MST1R: variants seen among roughly 807,000 people sequenced by gnomAD.
MST1R encodes the protein macrophage-stimulating protein receptor.
MST1R carries 99 observed loss-of-function variants against 117.8 expected under a neutral mutation model. The observed-to-expected ratio is 0.84, with a 90% confidence interval of 0.71 to 0.99. The LOEUF is 0.99. Ranked by LOEUF, MST1R falls within the 50% of genes least tolerant of loss-of-function variation. The probability of loss-of-function intolerance (pLI) is 0.00; values close to 1 mark genes in which losing one functional copy is unlikely to be tolerated. For missense variants in MST1R, 1,683 were observed against 1,840.2 expected (o/e 0.91, Z 1.56); for synonymous variants, 734 against 765.3 (o/e 0.96, Z 0.68).
rs1472088592 is a variant in MST1R at position 49,887,418 on chromosome 3, G to A, written c.4092C>T (p.Gly1364=). The change falls in exon 20 of 20, where the codon GGC becomes GGT. Residue 1364 remains glycine, a synonymous_variant. Coordinates refer to ENST00000296474, the MANE Select transcript of MST1R (RefSeq NM_002447.4). ...VQLPATYMNL[G]PSTSHEMNVR... is the part of the protein sequence containing the mutation. ...CATTCATCTCATGCGAGGTGCTGGG[G>A]CCCAAGTTCATGTAGGTTGCTGGCA... 2 of 1,614,214 alleles carry A rather than the reference G, an allele frequency of 1.2e-6. No individual in the cohort carries two copies. Among genetic ancestry groups the A allele is most frequent in the South Asian group, 1.1e-5 (1 of 91,088 alleles).
In MST1R at chr3:49,903,498, G is replaced by T. The variant is rs1452306995; in HGVS notation, c.112C>A (p.Arg38Ser). Residue 38 changes from arginine to serine, a missense_variant, in exon 1 of 20, where the codon CGC becomes AGC. Coordinates refer to ENST00000296474, the MANE Select transcript of MST1R (RefSeq NM_002447.4). Reference sequence around the variant, plus strand: ...ACCACGTACTTCACGTCAAAGTCGCGAGAGGCCGCGTAGGGGGTGCGCGGG... The same window carrying T: ...ACCACGTACTTCACGTCAAAGTCGCTAGAGGCCGCGTAGGGGGTGCGCGGG... ...QCPRTPYAAS[R>S]DFDVKYVVPS... 3 of 1,611,052 alleles carry T rather than the reference G, an allele frequency of 1.9e-6. No individual in the cohort carries two copies. Among genetic ancestry groups the T allele is most frequent in the Non-Finnish European group, 2.5e-6 (3 of 1,179,964 alleles).
At chr3:49,891,088 A>G (rs1346087345) in intron 17 of MST1R, 109 bp downstream of exon 17, 1 of 983,380 alleles carries the variant, frequency 1.0e-6, no homozygotes, top group Non-Finnish European at 1.6e-6. Context: ...AGTAAGGTGC[A>G]GAGAGGGGAG....
chr3:49,889,106 A>C (rs1317022970), intron 19 of MST1R, among the ~76,000 whole-genome samples: 1 of 152,198 alleles, frequency 6.6e-6, no homozygotes, highest in Non-Finnish European at 1.5e-5. Context: ...GGGTCATCCC[A>C]GTTCAAGCAG....
chr3:49,895,182 G>C lies in MST1R; in HGVS notation c.3256C>G (p.Arg1086Gly), dbSNP rs761194490. ...PHERVVTHSD[R>G]VIGKGHFGVV... ...GCCCCCACACCTTTGCCAATGACTCGGTCACTGTGGGTGACCACCCGCTCA... is the reference window on the plus strand; with the variant it reads ...GCCCCCACACCTTTGCCAATGACTCCGTCACTGTGGGTGACCACCCGCTCA... Residue 1086 changes from arginine to glycine, a missense_variant, in exon 14 of 20, where the codon CGA becomes GGA. By Grantham distance (125) the Arg-to-Gly change is moderately radical (BLOSUM62 -2). Transcript: ENST00000296474. 9.3e-6 allele frequency: 15 copies of C among 1,613,836 alleles called. No homozygotes were observed. The highest frequency in any genetic ancestry group is 1.3e-5 in the Non-Finnish European group (15 of 1,180,026).
intron 1 of MST1R, among the ~76,000 whole-genome samples, chr3:49,901,128 C>T (rs2082661903): frequency 6.6e-6 from 1 of 152,182 alleles, no homozygotes; most frequent in African/African-American, 2.4e-5. Flanking sequence ...GGAGAAGGGG[C>T]CAGGCAGGCC....
intron 1 of MST1R, among the ~76,000 whole-genome samples, chr3:49,901,590 G>A (rs892432451): frequency 1.3e-5 from 2 of 152,104 alleles, no homozygotes; most frequent in Non-Finnish European, 2.9e-5. Flanking sequence ...ACTAGAGTGA[G>A]GCTCCCAGAA....
Position 49,898,047 on chromosome 3 carries a change from G to A in MST1R, c.1880+4C>T. On this transcript the variant is annotated splice_donor_region_variant and intron_variant, in intron 5 of 19. Coordinates refer to ENST00000296474, the MANE Select transcript of MST1R (RefSeq NM_002447.4). ...GGAAAGGGAGGGGAGGGACCAGATT[G>A]TACCTGAGTTTTGAGCTGTCCTTGG... 2.5e-6 allele frequency: 4 copies of A among 1,614,140 alleles called. No homozygotes were observed. Among genetic ancestry groups the A allele is most frequent in the Non-Finnish European group, 2.5e-6 (3 of 1,180,042 alleles).
In MST1R at chr3:49,895,244, G is replaced by A. The variant is rs754028685; in HGVS notation, c.3194C>T (p.Ala1065Val). ...CACATCCTTGACCTCAGCCAAGAGC[G>A]CAGAGTCCAGGTCCCTTAGCTGGAT... is the stretch of plus-strand genomic sequence containing the variant. ...ESIQLRDLDSALLAEVKDVLI... is the reference protein window; with the variant it reads ...ESIQLRDLDSVLLAEVKDVLI... The change falls in exon 14 of 20, where the codon GCG becomes GTG. Residue 1065 changes from alanine to valine, a missense_variant. Ala to Val is a moderately conservative substitution (Grantham distance 64). Coordinates refer to ENST00000296474, the MANE Select transcript of MST1R (RefSeq NM_002447.4). 129 of 1,614,060 alleles carry A rather than the reference G, an allele frequency of 8.0e-5. No individual in the cohort carries two copies. The highest frequency in any genetic ancestry group is 9.7e-5 in the Non-Finnish European group (115 of 1,180,038).
In MST1R at chr3:49,899,199, C is replaced by T. The variant is rs1396317503; in HGVS notation, c.1295G>A (p.Ser432Asn). ...ATTGAATAGGTCCACACGTGAGAAG[C>T]TGCTACTGACCAGCAGAGGGAAGTG... is the stretch of plus-strand genomic sequence containing the variant. ...CRHFPLLVSS[S>N]FSRVDLFNGL... Residue 432 changes from serine to asparagine, a missense_variant, in exon 2 of 20, where the codon AGC (serine) becomes AAC (asparagine). Physicochemically the swap from Ser to Asn is conservative, Grantham distance 46 (BLOSUM62 1). Transcript: ENST00000296474. 4 of 1,614,024 alleles carry T rather than the reference C, an allele frequency of 2.5e-6. No homozygotes were observed. The Admixed American group carries it at 5.0e-5, about 20-fold the overall frequency.
Position 49,898,226 on chromosome 3 carries a change from A to G in MST1R, c.1720-15T>C. 1 of 1,613,182 alleles carries G rather than the reference A, an allele frequency of 6.2e-7. No homozygotes were observed. The highest frequency in any genetic ancestry group is 1.3e-5 in the African/African-American group (1 of 75,004). On this transcript the variant is annotated splice_polypyrimidine_tract_variant and intron_variant, in intron 4 of 19. Transcript: ENST00000296474. ...TGGGGGTGGAACTGAAATGGGGGAA[A>G]CAGCCTGAGTCCTCATGTGGGGTTG...
At chr3:49,895,660 A>G (rs2082441633) in intron 12 of MST1R, 55 bp downstream of exon 12, 1 of 1,612,314 alleles carries the variant, frequency 6.2e-7, no homozygotes, top group Admixed American at 1.7e-5. Context: ...TAGGGACTTG[A>G]AGATGCCATT....
intron 4 of MST1R, 23 bp downstream of exon 4, chr3:49,898,495 G>A: frequency 3.1e-6 from 5 of 1,610,954 alleles, no homozygotes; most frequent in Non-Finnish European, 4.2e-6. Context: ...ACTCTTACCT[G>A]TGCCCTGCCA....
rs772475555 is a variant in MST1R at position 49,896,238 on chromosome 3, T to C, written c.2606A>G (p.Asn869Ser). The C allele has an allele frequency of 1.2e-6, 2 of 1,613,994 alleles. No individual in the cohort carries two copies. Among genetic ancestry groups the C allele is most frequent in the Admixed American group, 1.7e-5 (1 of 60,002 alleles). ...CTCCTCAGGCTTCAGTGGAACTAGG[T>C]TGGCACTGGGTGGATGGGGTGGGGG... ...FLPPPHPPSA[N>S]LVPLKPEEHA... The change falls in exon 10 of 20, where the codon AAC (asparagine) becomes AGC (serine). Residue 869 changes from asparagine to serine, a missense_variant. Asn to Ser is a conservative substitution (Grantham distance 46). Coordinates refer to ENST00000296474, the MANE Select transcript of MST1R (RefSeq NM_002447.4).
At position 49,902,614 on chromosome 3, in the gene MST1R, T is replaced by C. The variant is rs774766820; in HGVS notation, c.996A>G (p.Gln332=). ...RVAHSAPVGA[Q]LATELSIAEG... is the part of the protein sequence containing the mutation. ...CGGCGATGCTCAGCTCAGTGGCAAG[T>C]TGGGCACCCACTGGAGCGGAGTGGG... Residue 332 remains glutamine, a synonymous_variant, in exon 1 of 20, where the codon CAA becomes CAG. Coordinates refer to ENST00000296474, the MANE Select transcript of MST1R (RefSeq NM_002447.4). The C allele has an allele frequency of 7.4e-6, 12 of 1,613,438 alleles. No individual in the cohort carries two copies. Among genetic ancestry groups the C allele is most frequent in the East Asian group, 6.7e-5 (3 of 44,900 alleles).
Position 49,903,545 on chromosome 3 carries a change from G to C in MST1R, c.65C>G (p.Ala22Gly). 6.3e-7 allele frequency: 1 copy of C among 1,598,242 alleles called. No homozygotes were observed. The highest frequency in any genetic ancestry group is 8.5e-7 in the Non-Finnish European group (1 of 1,176,548). Residue 22 changes from alanine (A) to glycine (G), a missense_variant, in exon 1 of 20, where the codon GCG becomes GGG. Ala to Gly is a moderately conservative substitution (Grantham distance 60, BLOSUM62 0). Transcript: ENST00000296474. Reference sequence around the variant, plus strand: ...CGGGCACTGCCAGTCCTCGCCCGCCGCGGGCTTGGCAGGCAACAGCAGCAG... The same window carrying C: ...CGGGCACTGCCAGTCCTCGCCCGCCCCGGGCTTGGCAGGCAACAGCAGCAG... ...LLLLLLPAKP[A>G]AGEDWQCPRT...
chr3:49,896,116 A>G lies in MST1R; in HGVS notation c.2650-9T>C. 1 of 1,613,882 alleles carries G rather than the reference A, an allele frequency of 6.2e-7. No homozygotes were observed. Among genetic ancestry groups the G allele is most frequent in the Non-Finnish European group, 8.5e-7 (1 of 1,179,880 alleles). ...GCGCCCAGCCCAATATACTGCAGAG[A>G]GGGTCATGAGGACCAGCCAGTAGGC... On this transcript the variant is annotated splice_polypyrimidine_tract_variant and intron_variant, in intron 10 of 19. Transcript: ENST00000296474.
Position 49,902,743 on chromosome 3 carries a change from C to T in MST1R, c.867G>A (p.Glu289=). ...GGACCAGCTCCCGATAGTCACCCAA[C>T]TCTGGCTCAGTGGCGCTAAGCCGTG... The part of the protein sequence containing the change: ...RLARLSATEP[E]LGDYRELVLD... The change falls in exon 1 of 20, where the codon GAG becomes GAA. Residue 289 remains glutamate, a synonymous_variant. Transcript: ENST00000296474. 6.2e-7 allele frequency: 1 copy of T among 1,613,886 alleles called. No homozygotes were observed. Among genetic ancestry groups the T allele is most frequent in the Non-Finnish European group, 8.5e-7 (1 of 1,180,048 alleles).
rs2108455368 is a variant in MST1R, at chr3:49,897,361, C to G, written c.2102G>C (p.Cys701Ser). Residue 701 changes from cysteine to serine, a missense_variant, in exon 7 of 20, where the codon TGT (cysteine) becomes TCT (serine). By Grantham distance (112) the Cys-to-Ser change is moderately radical. Transcript: ENST00000296474. ...CAGACTCTGGCCTTCAAGAGTGAGA[C>G]AGGTGCCTCCTGCCCGTGGGCCAAA... Reference protein sequence around the residue: ...PLFGPRAGGTCLTLEGQSLSV... With the variant: ...PLFGPRAGGTSLTLEGQSLSV... 6.2e-7 allele frequency: 1 copy of G among 1,613,982 alleles called. No homozygotes were observed. Among genetic ancestry groups the G allele is most frequent in the Non-Finnish European group, 8.5e-7 (1 of 1,179,974 alleles).
Position 49,903,789 on chromosome 3 carries a change from T to G in MST1R, c.-180A>C. 1 of 840,394 alleles carries G rather than the reference T, an allele frequency of 1.2e-6. No homozygotes were observed. The highest frequency in any genetic ancestry group is 1.9e-5 in the South Asian group (1 of 52,130). The allele number at this position is 840,394 out of a possible 1,614,324, so 52.1% of individuals were successfully genotyped here. A position where few individuals can be genotyped will look rare whatever the true frequency, so the allele number is the denominator to read the frequency against. On this transcript the variant is annotated 5_prime_UTR_variant, in exon 1 of 20. Coordinates refer to ENST00000296474, the MANE Select transcript of MST1R (RefSeq NM_002447.4). ...TGAAACCCAAATCCCTTCCCGGCCCTCGGGTCTGAGCACCTGACGCCTGCG... is the reference window on the plus strand; with the variant it reads ...TGAAACCCAAATCCCTTCCCGGCCCGCGGGTCTGAGCACCTGACGCCTGCG...
Sources: gnomAD v4.1 joint callset for allele counts (sites outside exome capture counted in the v4.1 genomes callset) on GRCh38, gnomAD v4.1.1 for gene constraint, MANE v1.5 for transcripts, NCBI Gene and HGNC (gene_info 2026-07-23, HGNC 2026-07-21) for gene names.